The following MGAT4C variants were observed in gnomAD, a reference collection of about 807,000 sequenced individuals.
The protein encoded by MGAT4C is alpha-1,3-mannosyl-glycoprotein 4-beta-N-acetylglucosaminyltransferase C.
MGAT4C carries 19 observed loss-of-function variants against 40.1 expected under a neutral mutation model. The observed-to-expected ratio is 0.47, with a 90% CI of 0.33 to 0.70. The LOEUF is 0.70. Among genes scored for constraint, MGAT4C ranks in the 30% least tolerant of loss-of-function variants. MGAT4C has a pLI of 0.02. For missense variants in MGAT4C, 491 were observed against 563.2 expected, an observed-to-expected ratio of 0.87 and a Z score of 1.30; for synonymous variants, 181 against 187.1, an observed-to-expected ratio of 0.97 and a Z score of 0.27.
intron 1 of MGAT4C, among the ~76,000 whole-genome samples, chr12:86,780,906 G>T (rs1181497951): frequency 1.3e-5 from 2 of 151,992 alleles, no homozygotes; most frequent in Non-Finnish European, 2.9e-5. Context: ...GAGAATATGC[G>T]CTATTTGACT....
chr12:86,661,039 T>A (rs1337344309), intron 2 of MGAT4C, among the ~76,000 whole-genome samples: 3 of 152,032 alleles, frequency 2.0e-5, no homozygotes, highest in Admixed American at 6.6e-5. Flanking sequence ...CTTAAATGAG[T>A]TAGTACACCC....
At chr12:86,808,159 C>T (rs1952398712) in intron 1 of MGAT4C, among the ~76,000 whole-genome samples, 1 of 151,970 alleles carries the variant, frequency 6.6e-6, no homozygotes, top group South Asian at 2.1e-4. Flanking sequence ...AAATAAAAGA[C>T]CAGAACCAGA....
intron 1 of MGAT4C, among the ~76,000 whole-genome samples, chr12:86,172,828 A>T (rs1886994208): frequency 1.3e-5 from 2 of 152,096 alleles, no homozygotes; most frequent in South Asian, 4.1e-4. Context: ...CAGAGTCCCA[A>T]ACCCAAGTAT....
chr12:86,786,246 A>G (rs1486227108), intron 1 of MGAT4C, among the ~76,000 whole-genome samples: 2 of 152,136 alleles, frequency 1.3e-5, no homozygotes, highest in Non-Finnish European at 2.9e-5. Flanking sequence ...CTTTGTGAAC[A>G]CAGATAATGT....
intron 2 of MGAT4C, among the ~76,000 whole-genome samples, chr12:86,713,598 T>G (rs1413997234): frequency 6.6e-6 from 1 of 152,120 alleles, no homozygotes; most frequent in Non-Finnish European, 1.5e-5. Flanking sequence ...TGAGTAAAGT[T>G]AGGAAATGAA....
chr12:85,973,838 A>C lies in MGAT4C; in HGVS notation c.*5451T>G, dbSNP rs1042800827. On this transcript the variant is annotated 3_prime_UTR_variant, in exon 5 of 5. Transcript: ENST00000611864. Reference sequence around the variant, plus strand: ...TGGTCTCAAATCCATGTTTTTCAGAAAAGATATTCAGATCCAGTTATCTGG... The same window carrying C: ...TGGTCTCAAATCCATGTTTTTCAGACAAGATATTCAGATCCAGTTATCTGG... 6.6e-6 allele frequency: 1 copy of C among 150,894 alleles called. No individual in the cohort carries two copies. Among genetic ancestry groups the C allele is most frequent in the African/African-American group, 2.4e-5 (1 of 41,310 alleles). The allele number at this position is 150,894 out of a possible 1,614,324, so 9.3% of individuals were successfully genotyped here.
intron 1 of MGAT4C, among the ~76,000 whole-genome samples, chr12:86,104,825 G>A (rs976976015): frequency 5.3e-5 from 8 of 150,668 alleles, no homozygotes; most frequent in Non-Finnish European, 1.0e-4. Context: ...AGAACACTTA[G>A]GTAACATATT....
At chr12:86,580,510 T>G (rs1960739358) in intron 2 of MGAT4C, among the ~76,000 whole-genome samples, 1 of 151,370 alleles carries the variant, frequency 6.6e-6, no homozygotes, top group South Asian at 2.1e-4. Context: ...CCATAATAAA[T>G]TTGACAGAAA....
At chr12:86,495,263 C>G (rs1053290572) in intron 2 of MGAT4C, 19 of 151,886 alleles carry the variant, frequency 1.3e-4, no homozygotes, top group African/African-American at 4.1e-4. Context: ...TTGAAGGCCC[C>G]CGTCATCTGC....
intron 2 of MGAT4C, among the ~76,000 whole-genome samples, chr12:86,562,618 C>G (rs1238039650): frequency 1.3e-5 from 2 of 152,022 alleles, no homozygotes; most frequent in Non-Finnish European, 2.9e-5. Context: ...TCCTCAGAAC[C>G]CATCCCCAAC....
At chr12:86,835,150 G>A (rs1276385144) in intron 1 of MGAT4C, among the ~76,000 whole-genome samples, 2 of 151,774 alleles carry the variant, frequency 1.3e-5, no homozygotes, top group East Asian at 3.9e-4. Context: ...ATATAACTCA[G>A]AATCTTAAGG....
At chr12:86,282,018 A>G (rs1022083783) in intron 4 of MGAT4C, among the ~76,000 whole-genome samples, 1 of 152,014 alleles carries the variant, frequency 6.6e-6, no homozygotes, top group Admixed American at 6.6e-5. Context: ...AATTTTCTTT[A>G]TATTTCAATT....
At chr12:86,648,914 AT>A (rs924055941) in intron 2 of MGAT4C, among the ~76,000 whole-genome samples, 18 of 151,412 alleles carry the variant, frequency 1.2e-4, no homozygotes, top group African/African-American at 4.1e-4. Context: ...CTCTCTATAG[AT>A]TTTTTTCCTA....
At chr12:86,050,082 C>T (rs1387333218) in intron 1 of MGAT4C, among the ~76,000 whole-genome samples, 8 of 151,928 alleles carry the variant, frequency 5.3e-5, no homozygotes, top group Admixed American at 4.6e-4. Flanking sequence ...TAATATTCCA[C>T]TTAAGCATAA....
At chr12:86,691,037 A>T (rs1950163411) in intron 2 of MGAT4C, among the ~76,000 whole-genome samples, 1 of 152,144 alleles carries the variant, frequency 6.6e-6, no homozygotes, top group South Asian at 2.1e-4. Flanking sequence ...TTTTTACTGG[A>T]ATAAATGGCA....
intron 1 of MGAT4C, among the ~76,000 whole-genome samples, chr12:86,728,151 GT>G (rs989455939): frequency 2.6e-5 from 4 of 152,152 alleles, no homozygotes; most frequent in South Asian, 4.1e-4. Flanking sequence ...AATGAGAAAA[GT>G]TTTTTAATAT....
intron 4 of MGAT4C, among the ~76,000 whole-genome samples, chr12:86,312,295 G>A (rs376298709): frequency 6.6e-6 from 1 of 152,200 alleles, no homozygotes; most frequent in African/African-American, 2.4e-5. Flanking sequence ...AGAAACAGGA[G>A]GCAATTCTAT....
intron 3 of MGAT4C, among the ~76,000 whole-genome samples, chr12:86,377,093 T>C (rs1019794670): frequency 6.7e-6 from 1 of 149,118 alleles, no homozygotes; most frequent in Admixed American, 6.8e-5. Context: ...GGAGTTTCGC[T>C]CTTGTTGCCC....
chr12:86,336,337 T>C (rs544484629), intron 3 of MGAT4C, among the ~76,000 whole-genome samples: 3 of 152,258 alleles, frequency 2.0e-5, no homozygotes, highest in African/African-American at 4.8e-5. Flanking sequence ...CCCTTCTTTG[T>C]AATAAATGCC....
Sources: gnomAD v4.1 joint callset for allele counts (sites outside exome capture counted in the v4.1 genomes callset) on GRCh38, gnomAD v4.1.1 for gene constraint, MANE v1.5 for transcripts, NCBI Gene and HGNC (gene_info 2026-07-23, HGNC 2026-07-21) for gene names.